ERCC5: variants seen among roughly 807,000 people sequenced by gnomAD.
The protein encoded by ERCC5 is ERCC excision repair 5, endonuclease.
A neutral mutation model predicts 105.6 loss-of-function variants in ERCC5; 68 were observed. The ratio of observed to expected loss-of-function variants is 0.64; its 90% CI spans 0.53 to 0.79. The LOEUF (loss-of-function observed/expected upper bound fraction) is 0.79. Among genes scored for constraint, ERCC5 ranks in the 30% least tolerant of loss-of-function variants. ERCC5 has a pLI of 0.00. For synonymous variants in ERCC5, 546 were observed against 526.2 expected (o/e 1.04, Z -0.51); for missense variants, 1,373 against 1,426.7 (o/e 0.96, Z 0.61).
At chr13:102,850,550 A>G (rs377006945) in intron 1 of ERCC5, among the ~76,000 whole-genome samples, 20 of 152,140 alleles carry the variant, frequency 1.3e-4, no homozygotes, top group East Asian at 5.8e-4. Flanking sequence ...ACGTTGGTGA[A>G]ATCTAGTATA....
At chr13:102,866,036 G>A in intron 9 of ERCC5, 125 bp downstream of exon 9, 1 of 1,576,420 alleles carries the variant, frequency 6.3e-7, no homozygotes, top group Non-Finnish European at 8.7e-7. Flanking sequence ...GGTTGCTGAT[G>A]GCTTCATTTT....
chr13:102,872,199 G>T lies in ERCC5; in HGVS notation c.2680G>T (p.Glu894Ter), dbSNP rs763364956. The T allele has an allele frequency of 5.6e-6, 9 of 1,613,878 alleles. No homozygotes were observed. Among genetic ancestry groups the T allele is most frequent in the Non-Finnish European group, 6.8e-6 (8 of 1,179,926 alleles). The change falls in exon 13 of 15, where the codon GAA becomes TAA. Residue 894 changes from glutamate to a stop codon, truncating the protein, a stop_gained and splice_region_variant. Transcript: ENST00000652225. LOFTEE classifies it high-confidence loss of function. Reference protein sequence around the residue: ...HGLEPLLKFSEWWHEAQKNPK... With the variant: ...HGLEPLLKFS ...GTAATTGTTTCCTTTATTTTACAGA[G>T]AATGGTGGCATGAAGCTCAAAAAAA...
intron 4 of ERCC5, 62 bp downstream of exon 4, chr13:102,854,436 C>A: frequency 6.7e-7 from 1 of 1,488,786 alleles, no homozygotes; most frequent in Non-Finnish European, 9.3e-7. Context: ...CACATTTAAA[C>A]CTTGATGTGT....
At chr13:102,855,298 G>A (rs77374775) in intron 4 of ERCC5, among the ~76,000 whole-genome samples, 1 of 151,306 alleles carries the variant, frequency 6.6e-6, no homozygotes, top group East Asian at 1.9e-4. Context: ...TGCCCAGACT[G>A]GAGTGCAGTG....
Position 102,862,428 on chromosome 13 carries a change from A to G in ERCC5, c.1279A>G (p.Asn427Asp). 1 of 1,614,156 alleles carries G rather than the reference A, an allele frequency of 6.2e-7. No homozygotes were observed. Among genetic ancestry groups the G allele is most frequent in the Non-Finnish European group, 8.5e-7 (1 of 1,180,030 alleles). ...AATGCGTATAAACAGCTCCACCGAGAACAGTGATGAAGGACTTAAAGTGAG... is the reference window on the plus strand; with the variant it reads ...AATGCGTATAAACAGCTCCACCGAGGACAGTGATGAAGGACTTAAAGTGAG... ...EEMRINSSTE[N>D]SDEGLKVRDG... is the part of the protein sequence containing the mutation. Residue 427 changes from asparagine to aspartate, a missense_variant, in exon 8 of 15, where the codon AAC becomes GAC. Coordinates refer to ENST00000652225, the MANE Select transcript of ERCC5 (RefSeq NM_000123.4).
chr13:102,861,071 C>T (rs1471719729), intron 6 of ERCC5, among the ~76,000 whole-genome samples: 4 of 150,210 alleles, frequency 2.7e-5, no homozygotes, highest in Non-Finnish European at 4.4e-5. Context: ...TCACTGCAAC[C>T]TCTGCCTCCC....
At chr13:102,858,227 A>C (rs1882494928) in intron 5 of ERCC5, 48 bp from the exon 6 acceptor site, 1 of 1,611,728 alleles carries the variant, frequency 6.2e-7, no homozygotes, top group Non-Finnish European at 8.5e-7. Context: ...GAATAGAACT[A>C]AGTGTATGAA....
chr13:102,862,491 T>C lies in ERCC5; in HGVS notation c.1342T>C (p.Ser448Pro). The C allele has an allele frequency of 6.2e-7, 1 of 1,613,956 alleles. No individual in the cohort carries two copies. Among genetic ancestry groups the C allele is most frequent in the Non-Finnish European group, 8.5e-7 (1 of 1,180,020 alleles). ...KGIPFTATLA[S>P]SSVNSAEEHV... is the part of the protein sequence containing the mutation. Reference sequence around the variant, plus strand: ...AATACCGTTTACTGCAACACTTGCGTCATCTAGTGTGAACTCTGCAGAGGA... The same window carrying C: ...AATACCGTTTACTGCAACACTTGCGCCATCTAGTGTGAACTCTGCAGAGGA... The change falls in exon 8 of 15, where the codon TCA (serine) becomes CCA (proline). Residue 448 changes from serine (S) to proline (P), a missense_variant. Physicochemically the swap from Ser to Pro is moderately conservative, Grantham distance 74 (BLOSUM62 -1). Coordinates refer to ENST00000652225, the MANE Select transcript of ERCC5 (RefSeq NM_000123.4).
intron 1 of ERCC5, chr13:102,849,191 A>G (rs764398604): frequency 1.9e-6 from 1 of 519,004 alleles, no homozygotes; most frequent in Non-Finnish European, 3.8e-6. Flanking sequence ...TCTACCTCTG[A>G]GATGTATCTT....
rs4150266 is a variant in ERCC5 at position 102,852,410 on chromosome 13, GAC to G, written c.264+121_264+122del. On this transcript the variant is annotated intron_variant, in intron 2 of 14. Transcript: ENST00000652225. ...AGAATTTTAGAAACAGACTTATTTT[GAC>G]ACATACTTAATTACATCTACTTTTT... is the stretch of plus-strand genomic sequence containing the variant. The G allele has an allele frequency of 8.2e-3, 9,605 of 1,174,726 alleles. 590 individuals carry two copies. In the African/African-American group the frequency reaches 0.13, roughly 16 times the overall value. The allele number at this position is 1,174,726 out of a possible 1,614,324, so 72.8% of individuals were successfully genotyped here.
intron 6 of ERCC5, among the ~76,000 whole-genome samples, chr13:102,861,176 A>G (rs1882604655): frequency 6.6e-6 from 1 of 151,996 alleles, no homozygotes; most frequent in Non-Finnish European, 1.5e-5. Flanking sequence ...TTTAGTAGAG[A>G]CAGGGTTTCA....
intron 5 of ERCC5, 130 bp from the exon 6 acceptor site, chr13:102,858,145 A>G (rs773414337): frequency 2.4e-5 from 31 of 1,314,878 alleles, no homozygotes; most frequent in Non-Finnish European, 3.1e-5. Flanking sequence ...ATTATATGCA[A>G]CTGTGTTTAG....
intron 8 of ERCC5, 150 bp downstream of exon 8, chr13:102,863,253 T>A (rs1882714733): frequency 1.1e-6 from 1 of 917,148 alleles, no homozygotes; most frequent in African/African-American, 1.7e-5. Flanking sequence ...TCCCAGGGAG[T>A]CACAGCTGGT....
chr13:102,856,020 A>G (rs753070899), intron 4 of ERCC5, 32 bp from the exon 5 acceptor site: 6 of 1,610,052 alleles, frequency 3.7e-6, no homozygotes, highest in South Asian at 2.2e-5. Context: ...CTTAAAAATC[A>G]TAGATATCGT....
intron 13 of ERCC5, 96 bp downstream of exon 13, chr13:102,872,494 T>C (rs1173736502): frequency 3.5e-6 from 5 of 1,441,836 alleles, no homozygotes; most frequent in East Asian, 2.4e-5. Flanking sequence ...TTTTTTCTTA[T>C]ATCCCGTTAA....
At chr13:102,870,201 G>GA (rs1882986859) in intron 12 of ERCC5, among the ~76,000 whole-genome samples, 1 of 152,150 alleles carries the variant, frequency 6.6e-6, no homozygotes, top group Non-Finnish European at 1.5e-5. Flanking sequence ...CATTTGGTTT[G>GA]GACTACACGG....
chr13:102,862,471 C>T lies in ERCC5; in HGVS notation c.1322C>T (p.Pro441Leu), dbSNP rs112825485. The T allele has an allele frequency of 3.3e-5, 54 of 1,613,718 alleles. No homozygotes were observed. The highest frequency in any genetic ancestry group is 1.6e-4 in the Middle Eastern group (1 of 6,084). Reference sequence around the variant, plus strand: ...AAAGTGAGAGATGGAAAAGGAATACCGTTTACTGCAACACTTGCGTCATCT... The same window carrying T: ...AAAGTGAGAGATGGAAAAGGAATACTGTTTACTGCAACACTTGCGTCATCT... The part of the protein sequence containing the change: ...GLKVRDGKGI[P>L]FTATLASSSV... The change falls in exon 8 of 15, where the codon CCG (proline) becomes CTG (leucine). Residue 441 changes from proline to leucine, a missense_variant. By Grantham distance (98) the Pro-to-Leu change is moderately conservative (BLOSUM62 -3). This residue lies in a region of ERCC5 where 1,004 missense variants were observed against 1,059.7 expected (regional missense o/e 0.95). Transcript: ENST00000652225.
chr13:102,862,202 C>A lies in ERCC5; in HGVS notation c.1053C>A (p.Ala351=), dbSNP rs1882649442. The A allele has an allele frequency of 6.2e-7, 1 of 1,614,006 alleles. No individual in the cohort carries two copies. Among genetic ancestry groups the A allele is most frequent in the Admixed American group, 1.7e-5 (1 of 60,002 alleles). ...GAACTTTACTAGCTATGCAAGCTGC[C>A]CTGCTGGGAAGTAGCTCAGAAGAGG... ...SPRTLLAMQA[A]LLGSSSEEEL... The change falls in exon 8 of 15, where the codon GCC becomes GCA. Residue 351 remains alanine (A), a synonymous_variant. Coordinates refer to ENST00000652225, the MANE Select transcript of ERCC5 (RefSeq NM_000123.4).
At chr13:102,867,991 G>T (rs1882900977) in intron 11 of ERCC5, 122 bp from the exon 12 acceptor site, 1 of 920,602 alleles carries the variant, frequency 1.1e-6, no homozygotes, top group East Asian at 2.7e-5. Context: ...CAAATAATAA[G>T]ATATTTTTGG....
Sources: gnomAD v4.1 joint callset for allele counts (sites outside exome capture counted in the v4.1 genomes callset) on GRCh38, gnomAD v4.1.1 for gene constraint, gnomAD v4.1.1 regional missense constraint, MANE v1.5 for transcripts, NCBI Gene and HGNC (gene_info 2026-07-23, HGNC 2026-07-21) for gene names.